Variants in PRKCH observed in about 807,000 individuals in gnomAD.
PRKCH encodes the protein protein kinase C eta type.
Under a neutral mutation model 82.5 loss-of-function variants are expected in PRKCH, and 28 were observed. That is an observed-to-expected ratio of 0.34 (90% CI 0.25 to 0.47). The LOEUF (loss-of-function observed/expected upper bound fraction) is 0.47. Ranked by LOEUF, PRKCH falls within the 20% of genes least tolerant of loss-of-function variation. The pLI is 1.00. For missense variants in PRKCH, 705 were observed against 881.8 expected, an observed-to-expected ratio of 0.80 and a Z score of 2.54; for synonymous variants, 322 against 327.4, an observed-to-expected ratio of 0.98 and a Z score of 0.18.
intron 10 of PRKCH, among the ~76,000 whole-genome samples, chr14:61,490,917 C>T (rs1886424874): frequency 6.6e-6 from 1 of 151,156 alleles, no homozygotes; most frequent in Admixed American, 6.6e-5. Context: ...GACCCTGTCT[C>T]AAAAAAACAA....
chr14:61,412,350 A>G (rs1882310616), intron 2 of PRKCH, among the ~76,000 whole-genome samples: 1 of 152,322 alleles, frequency 6.6e-6, no homozygotes, highest in East Asian at 1.9e-4. Context: ...AAAATGGAGA[A>G]AATAAACAAA....
At chr14:61,430,880 G>A (rs774951074) in intron 2 of PRKCH, among the ~76,000 whole-genome samples, 3 of 151,678 alleles carry the variant, frequency 2.0e-5, no homozygotes, top group East Asian at 3.9e-4. Flanking sequence ...TCAGCCTCCC[G>A]AGTAGCTGGG....
At chr14:61,472,225 G>A (rs1885538375) in intron 9 of PRKCH, among the ~76,000 whole-genome samples, 1 of 152,224 alleles carries the variant, frequency 6.6e-6, no homozygotes, top group Admixed American at 6.5e-5. Context: ...CAAAAGATTA[G>A]CTGACTGAGC....
chr14:61,194,567 G>A (rs2044428720), intron 1 of PRKCH, among the ~76,000 whole-genome samples: 2 of 152,278 alleles, frequency 1.3e-5, no homozygotes, highest in South Asian at 4.1e-4. Flanking sequence ...CTAGAACTGT[G>A]AGAAATAAAT....
intron 2 of PRKCH, among the ~76,000 whole-genome samples, chr14:61,437,375 TTC>T: frequency 6.6e-6 from 1 of 152,364 alleles, no homozygotes. Flanking sequence ...TATTTTCTGG[TTC>T]TTTCTTGACT....
intron 1 of PRKCH, among the ~76,000 whole-genome samples, chr14:61,247,519 T>C (rs1458433726): frequency 1.3e-5 from 2 of 151,880 alleles, no homozygotes; most frequent in African/African-American, 4.8e-5. Context: ...GCAGATCACC[T>C]GAGGTCAGGA....
At chr14:61,521,089 CAA>C (rs1340628831) in intron 10 of PRKCH, among the ~76,000 whole-genome samples, 1 of 152,102 alleles carries the variant, frequency 6.6e-6, no homozygotes, top group African/African-American at 2.4e-5. Flanking sequence ...ATGTCCAAGA[CAA>C]TTGTTGAGAA....
intron 10 of PRKCH, among the ~76,000 whole-genome samples, chr14:61,514,861 T>G (rs2042800304): frequency 6.6e-6 from 1 of 152,172 alleles, no homozygotes; most frequent in Non-Finnish European, 1.5e-5. Flanking sequence ...ATTTTGAAAT[T>G]TGTTCTCTCT....
chr14:61,197,966 G>T (rs1177277173), intron 1 of PRKCH, among the ~76,000 whole-genome samples: 2 of 152,002 alleles, frequency 1.3e-5, no homozygotes, highest in Non-Finnish European at 2.9e-5. Flanking sequence ...ACATTCTTCT[G>T]ATCAATAGAG....
At chr14:61,254,657 A>T (rs1013089956) in intron 1 of PRKCH, among the ~76,000 whole-genome samples, 1 of 152,166 alleles carries the variant, frequency 6.6e-6, no homozygotes. Flanking sequence ...ATAAAAACCT[A>T]CTAAAAGATT....
chr14:61,288,552 C>A (rs2045335225), intron 1 of PRKCH, among the ~76,000 whole-genome samples: 1 of 150,642 alleles, frequency 6.6e-6, no homozygotes, highest in African/African-American at 2.5e-5. Context: ...GTTGTAGGGG[C>A]CCCTGACTTT....
intron 9 of PRKCH, among the ~76,000 whole-genome samples, chr14:61,458,408 A>G (rs1298111812): frequency 2.6e-5 from 4 of 152,166 alleles, no homozygotes; most frequent in African/African-American, 9.7e-5. Context: ...GACATTGGAC[A>G]TGTCTTTCCC....
At chr14:61,527,121 A>G (rs1490920414) in intron 10 of PRKCH, among the ~76,000 whole-genome samples, 1 of 152,080 alleles carries the variant, frequency 6.6e-6, no homozygotes, top group Non-Finnish European at 1.5e-5. Flanking sequence ...ACTGCCTTTT[A>G]TTTACAGACA....
chr14:61,315,643 T>C (rs780640276), intron 1 of PRKCH, among the ~76,000 whole-genome samples: 63 of 152,346 alleles, frequency 4.1e-4, no homozygotes, highest in Non-Finnish European at 7.6e-4. Context: ...CTGAAAATTG[T>C]TTTAATTTAC....
chr14:61,343,351 CAAAAAAAA>C (rs57154047), intron 1 of PRKCH, among the ~76,000 whole-genome samples: 109 of 87,336 alleles, frequency 1.2e-3, no homozygotes, highest in African/African-American at 4.6e-3. Context: ...CCAGTTCCCT[CAAAAAAAA>C]AAAAAAAAAA....
chr14:61,319,718 G>A (rs2045592643), upstream of PRKCH, among the ~76,000 whole-genome samples: 1 of 152,168 alleles, frequency 6.6e-6, no homozygotes, highest in African/African-American at 2.4e-5. Context: ...CTGACCCACA[G>A]GGTAGATGCG....
chr14:61,549,679 TG>T lies in PRKCH; in HGVS notation c.1906-4del. 1.2e-6 allele frequency: 2 copies of T among 1,606,250 alleles called. No individual in the cohort carries two copies. Among genetic ancestry groups the T allele is most frequent in the East Asian group, 2.2e-5 (1 of 44,858 alleles). ...CTCACCCTTGTTTCCCTTTTTTTTT[TG>T]GCAGAAATCCCGAGAAGATGTCAGT... On this transcript the variant is annotated splice_region_variant and splice_polypyrimidine_tract_variant and intron_variant, in intron 13 of 13. Transcript: ENST00000332981.
At chr14:61,332,061 G>T (rs577064241) in intron 1 of PRKCH, among the ~76,000 whole-genome samples, 25 of 152,180 alleles carry the variant, frequency 1.6e-4, no homozygotes, top group Non-Finnish European at 2.8e-4. Context: ...TCCCTGTTAC[G>T]GCAAGTCAGA....
At chr14:61,429,437 T>C (rs557261377) in intron 2 of PRKCH, among the ~76,000 whole-genome samples, 1 of 152,382 alleles carries the variant, frequency 6.6e-6, no homozygotes, top group Admixed American at 6.5e-5. Context: ...CACTGTTTTT[T>C]GTCTTTGTGA....
Sources: allele counts gnomAD v4.1 joint callset (sites outside exome capture counted in the v4.1 genomes callset), GRCh38; gene constraint gnomAD v4.1.1; transcripts MANE v1.5; gene names NCBI Gene and HGNC (gene_info 2026-07-23, HGNC 2026-07-21).